Variants in SELENOF observed in about 807,000 individuals in gnomAD.
SELENOF encodes the protein 15 kDa selenoprotein.
Under a neutral mutation model 20.5 loss-of-function variants are expected in SELENOF, and 16 were observed. That is an observed-to-expected ratio of 0.78 (90% CI 0.53 to 1.19). The LOEUF is 1.19. Ranked by LOEUF, SELENOF falls within the 50% of genes most tolerant of loss-of-function variation. The pLI is 0.00. For synonymous variants in SELENOF, 78 were observed against 74.5 expected (o/e 1.05, Z -0.24); for missense variants, 215 against 194.2 (o/e 1.11, Z -0.64).
At chr1:86,891,875 TAAC>T (rs1202936807) in intron 2 of SELENOF, among the ~76,000 whole-genome samples, 3 of 152,060 alleles carry the variant, frequency 2.0e-5, no homozygotes, top group South Asian at 2.1e-4. Flanking sequence ...TACCTTCAGA[TAAC>T]AACTTAATGA....
At chr1:86,909,608 C>A (rs1024504899) in intron 1 of SELENOF, among the ~76,000 whole-genome samples, 1 of 152,178 alleles carries the variant, frequency 6.6e-6, no homozygotes, top group South Asian at 2.1e-4. Flanking sequence ...TGGCTACATT[C>A]TAATTGGCAC....
At chr1:86,864,798 G>A (rs1364232224) in intron 4 of SELENOF, among the ~76,000 whole-genome samples, 1 of 151,536 alleles carries the variant, frequency 6.6e-6, no homozygotes, top group Non-Finnish European at 1.5e-5. Context: ...TACCACACCC[G>A]GCATTTTGTA....
chr1:86,899,154 G>C (rs1177418182), intron 2 of SELENOF, among the ~76,000 whole-genome samples: 1 of 151,346 alleles, frequency 6.6e-6, no homozygotes, highest in Non-Finnish European at 1.5e-5. Flanking sequence ...TCTTAGTACA[G>C]AACAAAATGA....
chr1:86,866,984 T>C (rs1658616266), intron 4 of SELENOF, among the ~76,000 whole-genome samples: 1 of 152,188 alleles, frequency 6.6e-6, no homozygotes, highest in Non-Finnish European at 1.5e-5. Context: ...AACTTATGTG[T>C]ACACAGAAAT....
chr1:86,889,152 G>A (rs1427169617), intron 2 of SELENOF, among the ~76,000 whole-genome samples: 2 of 151,790 alleles, frequency 1.3e-5, no homozygotes, highest in East Asian at 1.9e-4. Context: ...AAAAAGAAAC[G>A]AGGCCATTCC....
rs771331909 is a variant in SELENOF at position 86,880,722 on chromosome 1, A to G, written c.256T>C (p.Tyr86His). ...CAAACTTCAAGAATAGCTCCTGCAT[A>G]CAGCTACAAAAGGAAAAACAGGAAT... ...EEAQFETKKL[Y>H]AGAILEVCGU... Residue 86 changes from tyrosine to histidine, a missense_variant, in exon 3 of 5, where the codon TAT (tyrosine) becomes CAT (histidine). Physicochemically the swap from Tyr to His is moderately conservative, Grantham distance 83. Transcript: ENST00000331835. 10 of 1,577,434 alleles carry G rather than the reference A, an allele frequency of 6.3e-6. No individual in the cohort carries two copies. Among genetic ancestry groups the G allele is most frequent in the Non-Finnish European group, 8.6e-6 (10 of 1,161,154 alleles).
At chr1:86,888,948 T>C (rs575622712) in intron 2 of SELENOF, among the ~76,000 whole-genome samples, 1 of 152,350 alleles carries the variant, frequency 6.6e-6, no homozygotes, top group South Asian at 2.1e-4. Context: ...GTTATGATCA[T>C]CTTTAAGAAA....
intron 1 of SELENOF, among the ~76,000 whole-genome samples, chr1:86,911,909 G>A (rs537263733): frequency 6.6e-6 from 1 of 151,092 alleles, no homozygotes. Flanking sequence ...TCAGCCTCCC[G>A]AGTAGGCATG....
Position 86,914,120 on chromosome 1 carries a change from G to A in SELENOF, c.-9C>T, listed in dbSNP as rs375670639. The A allele has an allele frequency of 1.2e-6, 2 of 1,611,514 alleles. No homozygotes were observed. Among genetic ancestry groups the A allele is most frequent in the African/African-American group, 1.3e-5 (1 of 74,878 alleles). ...GCCGCCATCGCTACCATTTTCCGCAGGTTTCTGGCTGCCTAGAAGGACCCC... is the reference window on the plus strand; with the variant it reads ...GCCGCCATCGCTACCATTTTCCGCAAGTTTCTGGCTGCCTAGAAGGACCCC... On this transcript the variant is annotated 5_prime_UTR_variant, in exon 1 of 5. Coordinates refer to ENST00000331835, the MANE Select transcript of SELENOF (RefSeq NM_004261.5).
At chr1:86,910,666 C>T (rs537333440) in intron 1 of SELENOF, among the ~76,000 whole-genome samples, 4 of 138,450 alleles carry the variant, frequency 2.9e-5, no homozygotes, top group East Asian at 2.0e-4. Flanking sequence ...ATGATGCCAC[C>T]GCACTCCAGC....
intron 2 of SELENOF, among the ~76,000 whole-genome samples, chr1:86,892,280 A>G (rs1429144020): frequency 6.6e-6 from 1 of 152,126 alleles, no homozygotes; most frequent in Non-Finnish European, 1.5e-5. Flanking sequence ...AGTCTTAGTG[A>G]TTCTTACATT....
chr1:86,874,290 G>GA (rs1006855961), intron 3 of SELENOF, among the ~76,000 whole-genome samples: 1 of 152,080 alleles, frequency 6.6e-6, no homozygotes, highest in Non-Finnish European at 1.5e-5. Flanking sequence ...GATTTCTAAA[G>GA]AAAATCCAAT....
chr1:86,893,640 CAAAT>C (rs973222496), intron 2 of SELENOF, among the ~76,000 whole-genome samples: 8 of 151,582 alleles, frequency 5.3e-5, no homozygotes, highest in African/African-American at 1.5e-4. Context: ...AATAAACAAA[CAAAT>C]AAATAGAAAA....
At chr1:86,869,183 A>G (rs1310280127) in intron 3 of SELENOF, among the ~76,000 whole-genome samples, 1 of 152,204 alleles carries the variant, frequency 6.6e-6, no homozygotes, top group Non-Finnish European at 1.5e-5. Flanking sequence ...TATTTAGCAA[A>G]ATCAACCAAG....
chr1:86,880,204 C>T (rs760208182), intron 3 of SELENOF, among the ~76,000 whole-genome samples: 188 of 151,282 alleles, frequency 1.2e-3, no homozygotes, highest in Non-Finnish European at 2.3e-3. Flanking sequence ...GGCGTGATCT[C>T]GGCTCACTGC....
intron 2 of SELENOF, 90 bp downstream of exon 2, chr1:86,903,190 CT>C: frequency 8.7e-7 from 1 of 1,152,868 alleles, no homozygotes; most frequent in South Asian, 1.6e-5. Context: ...AGCTTAGAGG[CT>C]TTTTTACACT....
chr1:86,870,822 C>T (rs473084), intron 3 of SELENOF, among the ~76,000 whole-genome samples: 39,351 of 151,828 alleles, frequency 0.26, 6,277 homozygotes, highest in African/African-American at 0.45. Context: ...GGTTTCACCG[C>T]GTTAGCCAGG....
chr1:86,911,784 A>ATTT (rs34486690), intron 1 of SELENOF, among the ~76,000 whole-genome samples: 10 of 140,068 alleles, frequency 7.1e-5, no homozygotes, highest in African/African-American at 2.6e-4. Context: ...TAAAATGACT[A>ATTT]TTTTTTTTTT....
chr1:86,883,303 G>A (rs1386423177), intron 2 of SELENOF, among the ~76,000 whole-genome samples: 1 of 152,162 alleles, frequency 6.6e-6, no homozygotes, highest in African/African-American at 2.4e-5. Context: ...GGAATAGGGA[G>A]TTATTGTTTC....
Sources: gnomAD v4.1 joint callset for allele counts (sites outside exome capture counted in the v4.1 genomes callset) on GRCh38, gnomAD v4.1.1 for gene constraint, MANE v1.5 for transcripts, NCBI Gene and HGNC (gene_info 2026-07-23, HGNC 2026-07-21) for gene names.